Variants in GABRP observed in about 807,000 individuals in gnomAD.
GABRP encodes the protein gamma-aminobutyric acid receptor subunit pi.
GABRP carries 52 observed loss-of-function variants against 47.8 expected under a neutral mutation model. The observed-to-expected ratio is 1.09, with a 90% CI of 0.87 to 1.37. The LOEUF (loss-of-function observed/expected upper bound fraction) is 1.37, where lower values mean the gene tolerates loss of function less well. Among genes scored for constraint, GABRP ranks in the 40% most tolerant of loss-of-function variants. GABRP has a pLI of 0.00. For synonymous variants in GABRP, 221 were observed against 205.8 expected (o/e 1.07, Z -0.63); for missense variants, 525 against 542.8 (o/e 0.97, Z 0.33).
chr5:170,805,873 G>T lies in GABRP; in HGVS notation c.679+20G>T, dbSNP rs1366868669. The stretch of plus-strand genomic sequence containing the variant: ...AGACAGGTAACTCATGTGACAAACT[G>T]TATGAAATAAAAATAAGTGAACTGA... On this transcript the variant is annotated intron_variant, in intron 7 of 9. Transcript: ENST00000265294. 1.2e-6 allele frequency: 2 copies of T among 1,611,156 alleles called. No individual in the cohort carries two copies. Among genetic ancestry groups the T allele is most frequent in the Non-Finnish European group, 1.7e-6 (2 of 1,178,072 alleles).
Position 170,800,558 on chromosome 5 carries a change from G to C in GABRP, c.541+3010G>C, listed in dbSNP as rs115847604. The stretch of plus-strand genomic sequence containing the variant: ...GGCTAGTGAGGAAAGACTTCTTGGA[G>C]GAGGTAACAAAATGTGTTTTATGGC... On this transcript the variant is annotated intron_variant, in intron 6 of 9. Coordinates refer to ENST00000265294, the MANE Select transcript of GABRP (RefSeq NM_014211.3). Among the ~76,000 whole-genome samples, 638 of 152,286 alleles carry C rather than the reference G, an allele frequency of 4.2e-3. 6 individuals are homozygous for C. The highest frequency in any genetic ancestry group is 0.015 in the African/African-American group (609 of 41,560).
At chr5:170,784,398 C>T (rs1040087113) in intron 1 of GABRP, among the ~76,000 whole-genome samples, 1 of 152,088 alleles carries the variant, frequency 6.6e-6, no homozygotes, top group Non-Finnish European at 1.5e-5. Context: ...TGCTTCCAGC[C>T]TGGGAAGTTT....
chr5:170,798,371 G>C (rs1433546716), intron 6 of GABRP, among the ~76,000 whole-genome samples: 2 of 152,132 alleles, frequency 1.3e-5, no homozygotes, highest in African/African-American at 4.8e-5. Context: ...GCTCTAATAA[G>C]TTACTTCCAC....
intron 3 of GABRP, among the ~76,000 whole-genome samples, chr5:170,793,737 C>T (rs1765343004): frequency 6.6e-6 from 1 of 151,916 alleles, no homozygotes; most frequent in Non-Finnish European, 1.5e-5. Context: ...CACTATGTTC[C>T]TTATGCGTTA....
chr5:170,795,578 T>C (rs1765405194), intron 5 of GABRP, among the ~76,000 whole-genome samples, 153 bp downstream of exon 5: 1 of 152,128 alleles, frequency 6.6e-6, no homozygotes, highest in African/African-American at 2.4e-5. Flanking sequence ...GGTCCCTCTC[T>C]CAGTTCATCA....
chr5:170,790,622 A>G (rs1765238967), intron 3 of GABRP, among the ~76,000 whole-genome samples: 2 of 152,088 alleles, frequency 1.3e-5, no homozygotes, highest in South Asian at 4.1e-4. Context: ...GTCTGGCCTC[A>G]GGGAAGGAGA....
intron 1 of GABRP, 172 bp from the exon 2 acceptor site, chr5:170,788,402 T>C: frequency 2.1e-6 from 1 of 487,620 alleles, no homozygotes; most frequent in Non-Finnish European, 3.6e-6. Flanking sequence ...AATGAAGTCA[T>C]TCCTGGAGGG....
In GABRP at chr5:170,805,820, T is replaced by C; in HGVS notation, c.646T>C (p.Phe216Leu). The change falls in exon 7 of 10, where the codon TTC (phenylalanine) becomes CTC (leucine). Residue 216 changes from phenylalanine to leucine, a missense_variant. By Grantham distance (22) the Phe-to-Leu change is conservative (BLOSUM62 0). Transcript: ENST00000265294. ...RLAQYTIERY[F>L]TLVTRSQQET... is the part of the protein sequence containing the mutation. Reference sequence around the variant, plus strand: ...TGCTCAGTACACCATAGAGCGGTATTTCACCTTAGTCACCAGATCGCAGCA... The same window carrying C: ...TGCTCAGTACACCATAGAGCGGTATCTCACCTTAGTCACCAGATCGCAGCA... The C allele has an allele frequency of 6.2e-7, 1 of 1,614,192 alleles. No individual in the cohort carries two copies. The highest frequency in any genetic ancestry group is 8.5e-7 in the Non-Finnish European group (1 of 1,180,022).
At chr5:170,800,922 G>A (rs946207698) in intron 6 of GABRP, among the ~76,000 whole-genome samples, 1 of 152,096 alleles carries the variant, frequency 6.6e-6, no homozygotes, top group Non-Finnish European at 1.5e-5. Context: ...CTCCAGCCTG[G>A]GCAACAAGAA....
At chr5:170,789,017 G>T in intron 2 of GABRP, 112 bp from the exon 3 acceptor site, 1 of 786,352 alleles carries the variant, frequency 1.3e-6, no homozygotes, top group Middle Eastern at 2.4e-4. Context: ...GCTGGTACAT[G>T]GGCAAGGCAC....
At chr5:170,805,043 A>T (rs930994981) in intron 6 of GABRP, among the ~76,000 whole-genome samples, 99 of 148,112 alleles carry the variant, frequency 6.7e-4, no homozygotes, top group Admixed American at 4.1e-3. Flanking sequence ...TTATATAGAT[A>T]TAAATCAACT....
intron 6 of GABRP, among the ~76,000 whole-genome samples, chr5:170,803,686 T>A (rs190658786): frequency 6.6e-6 from 1 of 152,156 alleles, no homozygotes; most frequent in Admixed American, 6.6e-5. Context: ...ACCTACTCGC[T>A]GTCTGTATGA....
chr5:170,801,855 TGGGG>T (rs11286876), intron 6 of GABRP, among the ~76,000 whole-genome samples: 1 of 142,206 alleles, frequency 7.0e-6, no homozygotes, highest in Non-Finnish European at 1.6e-5. Context: ...TGAAAAGTAA[TGGGG>T]GGGGGGTCAG....
intron 6 of GABRP, among the ~76,000 whole-genome samples, chr5:170,801,005 A>G (rs1282310488): frequency 1.3e-5 from 2 of 152,354 alleles, no homozygotes; most frequent in Non-Finnish European, 2.9e-5. Flanking sequence ...TGTAGCATCC[A>G]TTTAACAATT....
At chr5:170,811,827 C>T (rs1765891169) in intron 9 of GABRP, 129 bp from the exon 10 acceptor site, 2 of 866,826 alleles carry the variant, frequency 2.3e-6, no homozygotes, top group Non-Finnish European at 1.8e-6. Flanking sequence ...TTCTGAAGCA[C>T]TCAATGCCAC....
chr5:170,810,553 T>C (rs1423407221), intron 9 of GABRP, among the ~76,000 whole-genome samples: 1 of 152,210 alleles, frequency 6.6e-6, no homozygotes. Context: ...CATTAGACCA[T>C]GCTCTTAACT....
intron 1 of GABRP, among the ~76,000 whole-genome samples, chr5:170,787,352 C>A (rs1331333077): frequency 2.0e-5 from 3 of 152,202 alleles, no homozygotes; most frequent in East Asian, 1.9e-4. Flanking sequence ...GCCTGAGCAC[C>A]CCCATTCTGC....
At chr5:170,800,349 G>T (rs1261099083) in intron 6 of GABRP, among the ~76,000 whole-genome samples, 1 of 152,158 alleles carries the variant, frequency 6.6e-6, no homozygotes, top group Non-Finnish European at 1.5e-5. Context: ...ATTCAAGATG[G>T]ATTAAAGACT....
chr5:170,808,635 C>T lies in GABRP; in HGVS notation c.715C>T (p.Arg239Trp), dbSNP rs202158019. ...TAGATTGGTCTTACAGTTTGAGCTT[C>T]GGAGGAATGTTCTGTATTTCATTTT... ...YTRLVLQFELRRNVLYFILET... is the reference protein window; with the variant it reads ...YTRLVLQFELWRNVLYFILET... Residue 239 changes from arginine (R) to tryptophan (W), a missense_variant, in exon 8 of 10, where the codon CGG (arginine) becomes TGG (tryptophan). Coordinates refer to ENST00000265294, the MANE Select transcript of GABRP (RefSeq NM_014211.3). 1.9e-5 allele frequency: 31 copies of T among 1,613,942 alleles called. No individual in the cohort carries two copies. The highest frequency in any genetic ancestry group is 5.3e-5 in the African/African-American group (4 of 75,016).
Sources: gnomAD v4.1 joint callset for allele counts (sites outside exome capture counted in the v4.1 genomes callset) on GRCh38, gnomAD v4.1.1 for gene constraint, MANE v1.5 for transcripts, NCBI Gene and HGNC (gene_info 2026-07-23, HGNC 2026-07-21) for gene names.